GULP1: variants seen among roughly 807,000 people sequenced by gnomAD.
The protein encoded by GULP1 is GULP PTB domain containing engulfment adaptor 1.
Under a neutral mutation model 40.9 loss-of-function variants are expected in GULP1, and 19 were observed. The ratio of observed to expected loss-of-function variants is 0.46; its 90% confidence interval spans 0.32 to 0.68. The LOEUF (loss-of-function observed/expected upper bound fraction) is 0.68. GULP1 is among the 30% of genes least tolerant of loss of function. GULP1 has a pLI of 0.03. For synonymous variants in GULP1, 119 were observed against 117.6 expected (o/e 1.01, Z -0.08); for missense variants, 312 against 362.2 (o/e 0.86, Z 1.12).
At chr2:188,308,662 A>G (rs1437061248) in intron 1 of GULP1, among the ~76,000 whole-genome samples, 1 of 152,172 alleles carries the variant, frequency 6.6e-6, no homozygotes, top group Non-Finnish European at 1.5e-5. Flanking sequence ...TTAAAGACTT[A>G]CTGAGGTGCA....
intron 7 of GULP1, among the ~76,000 whole-genome samples, chr2:188,567,591 G>C (rs947778551): frequency 6.6e-6 from 1 of 152,104 alleles, no homozygotes; most frequent in Non-Finnish European, 1.5e-5. Context: ...TGAACAATGA[G>C]AACACATGGA....
At chr2:188,584,184 T>C in intron 9 of GULP1, 81 bp from the exon 10 acceptor site, 2 of 921,366 alleles carry the variant, frequency 2.2e-6, no homozygotes, top group Non-Finnish European at 3.2e-6. Context: ...TGTTTACATA[T>C]ATTTTATATG....
intron 7 of GULP1, among the ~76,000 whole-genome samples, chr2:188,555,575 A>G (rs1321319284): frequency 6.6e-6 from 1 of 152,160 alleles, no homozygotes; most frequent in African/African-American, 2.4e-5. Context: ...TGAGAAATTC[A>G]TTGTTAGGCT....
intron 2 of GULP1, among the ~76,000 whole-genome samples, chr2:188,396,645 A>C (rs1355545018): frequency 6.6e-6 from 1 of 152,184 alleles, no homozygotes; most frequent in African/African-American, 2.4e-5. Context: ...GTCTGCCGGC[A>C]AAGCTGGGAC....
intron 1 of GULP1, among the ~76,000 whole-genome samples, chr2:188,322,952 C>T (rs1043955883): frequency 6.6e-6 from 1 of 151,972 alleles, no homozygotes; most frequent in African/African-American, 2.4e-5. Flanking sequence ...TTATCTTTAC[C>T]CTCTATTTGC....
chr2:188,348,596 A>T (rs2044018436), intron 1 of GULP1, among the ~76,000 whole-genome samples: 1 of 151,694 alleles, frequency 6.6e-6, no homozygotes, highest in Admixed American at 6.7e-5. Context: ...TGCATATCTG[A>T]AACAAACAAG....
chr2:188,316,915 A>G (rs931353064), intron 1 of GULP1, among the ~76,000 whole-genome samples: 1 of 152,168 alleles, frequency 6.6e-6, no homozygotes, highest in Non-Finnish European at 1.5e-5. Context: ...AATAAATTCA[A>G]GATCTCATTT....
At chr2:188,327,512 A>G (rs1242487273) in intron 1 of GULP1, among the ~76,000 whole-genome samples, 1 of 152,106 alleles carries the variant, frequency 6.6e-6, no homozygotes, top group East Asian at 1.9e-4. Context: ...TGTAGAGGCT[A>G]TTTACTATGA....
intron 2 of GULP1, among the ~76,000 whole-genome samples, chr2:188,466,284 T>C (rs1271962551): frequency 6.9e-6 from 1 of 143,942 alleles, no homozygotes; most frequent in Non-Finnish European, 1.5e-5. Context: ...CAGTGGCTGG[T>C]TTTTTTTTCC....
intron 2 of GULP1, among the ~76,000 whole-genome samples, chr2:188,465,326 G>A (rs1250930478): frequency 6.6e-6 from 1 of 152,006 alleles, no homozygotes; most frequent in African/African-American, 2.4e-5. Flanking sequence ...GGTCTGAACA[G>A]GGGCTGTAAG....
At chr2:188,500,283 C>T (rs956534480) in intron 4 of GULP1, among the ~76,000 whole-genome samples, 4 of 151,838 alleles carry the variant, frequency 2.6e-5, no homozygotes, top group African/African-American at 9.7e-5. Context: ...TATAAGGTTA[C>T]TTTCTTTCTG....
In GULP1 at chr2:188,363,698, TG is replaced by T. The variant is rs1205703770; in HGVS notation, c.-171-20063del. Among the ~76,000 whole-genome samples, 3 of 152,058 alleles carry T rather than the reference TG, an allele frequency of 2.0e-5. No individual in the cohort carries two copies. The East Asian group carries it at 5.8e-4, about 29-fold the overall frequency. On this transcript the variant is annotated intron_variant, in intron 1 of 11. Transcript: ENST00000409830. ...TATTAGGTCGGAGCAATAGTAATTG[TG>T]GTTTTTGCCATTGTACATAAGATTT...
At chr2:188,559,086 A>G (rs1301856735) in intron 7 of GULP1, among the ~76,000 whole-genome samples, 1 of 152,230 alleles carries the variant, frequency 6.6e-6, no homozygotes, top group African/African-American at 2.4e-5. Context: ...TTAATCCCCA[A>G]GACAATGGGG....
chr2:188,371,863 T>A (rs2047644517), intron 1 of GULP1, among the ~76,000 whole-genome samples: 1 of 152,082 alleles, frequency 6.6e-6, no homozygotes, highest in Non-Finnish European at 1.5e-5. Flanking sequence ...GTTTGGTAAA[T>A]GTGTGTTGGG....
chr2:188,477,726 G>A lies in GULP1; in HGVS notation c.24G>A (p.Lys8=), dbSNP rs749465498. The change falls in exon 3 of 12, where the codon AAG becomes AAA. Residue 8 remains lysine, a synonymous_variant. Transcript: ENST00000409830. ...TCATGAACCGTGCTTTTAGCAGGAA[G>A]AAAGGTAAGTGTGGTCATTTTTTAA... MNRAFSR[K]KDKTWMHTPE... The A allele has an allele frequency of 6.2e-7, 1 of 1,601,080 alleles. No individual in the cohort carries two copies.
At chr2:188,420,869 G>C (rs533163903) in intron 2 of GULP1, among the ~76,000 whole-genome samples, 1 of 152,146 alleles carries the variant, frequency 6.6e-6, no homozygotes, top group South Asian at 2.1e-4. Context: ...GTGGTAGCTC[G>C]GTTTTTAGGC....
intron 9 of GULP1, among the ~76,000 whole-genome samples, chr2:188,571,575 T>C (rs1576200491): frequency 6.6e-6 from 1 of 152,164 alleles, no homozygotes; most frequent in Non-Finnish European, 1.5e-5. Context: ...ATTCTGATAT[T>C]CCTTCTTATT....
intron 2 of GULP1, among the ~76,000 whole-genome samples, chr2:188,388,393 C>T (rs1029418342): frequency 7.3e-6 from 1 of 136,230 alleles, no homozygotes; most frequent in Admixed American, 7.3e-5. Flanking sequence ...AGTAGAAAAA[C>T]TTAGCCAGAC....
At chr2:188,327,705 T>C (rs1315639827) in intron 1 of GULP1, among the ~76,000 whole-genome samples, 4 of 152,062 alleles carry the variant, frequency 2.6e-5, no homozygotes, top group Non-Finnish European at 5.9e-5. Context: ...GGTGTTAGAG[T>C]GGACATGGAC....
Sources: allele counts gnomAD v4.1 joint callset (sites outside exome capture counted in the v4.1 genomes callset), GRCh38; gene constraint gnomAD v4.1.1; transcripts MANE v1.5; gene names NCBI Gene and HGNC (gene_info 2026-07-23, HGNC 2026-07-21).